Variants in DNAJC21 observed in about 807,000 individuals in gnomAD.
DNAJC21 encodes DnaJ heat shock protein family (Hsp40) member C21, also known as dnaJ homolog subfamily C member 21.
A neutral mutation model predicts 72.4 loss-of-function variants in DNAJC21; 63 were observed. The observed-to-expected ratio is 0.87, with a 90% CI of 0.71 to 1.07. The LOEUF is 1.07. Ranked by LOEUF, DNAJC21 falls within the 50% of genes least tolerant of loss-of-function variation. The pLI, the probability that DNAJC21 is intolerant of heterozygous loss-of-function variation, is 0.00. For synonymous variants in DNAJC21, 203 were observed against 216.7 expected (o/e 0.94, Z 0.56); for missense variants, 634 against 644.8 (o/e 0.98, Z 0.18).
chr5:34,951,258 C>G (rs866383077), intron 10 of DNAJC21: 13 of 985,460 alleles, frequency 1.3e-5, no homozygotes, highest in Non-Finnish European at 1.6e-5. Flanking sequence ...AAGGGAAATT[C>G]ACATGTATTT....
chr5:34,936,073 G>A, intron 3 of DNAJC21, 71 bp from the exon 4 acceptor site: 1 of 1,548,086 alleles, frequency 6.5e-7, no homozygotes, highest in Non-Finnish European at 8.7e-7. Context: ...TTTTCATTTT[G>A]TATTTTAAAA....
rs985379919 is a variant in DNAJC21 at position 34,954,141 on chromosome 5, G to A, written c.1434+140G>A. ...TGTGGATCCATCAACAGTTTTGTTTGATATAATGTATCTTTTTTTTTCATT... is the reference window on the plus strand; with the variant it reads ...TGTGGATCCATCAACAGTTTTGTTTAATATAATGTATCTTTTTTTTTCATT... On this transcript the variant is annotated intron_variant, in intron 11 of 11. Coordinates refer to ENST00000648817, the MANE Select transcript of DNAJC21 (RefSeq NM_001012339.3). The A allele has an allele frequency of 7.3e-5, 49 of 671,558 alleles. 1 individual carries two copies. In the Admixed American group the frequency reaches 1.0e-3, roughly 14 times the overall value. 41.6% of individuals were successfully genotyped at this position (671,558 alleles called of 1,614,324 possible). A position where few individuals can be genotyped will look rare whatever the true frequency, so the allele number is the denominator to read the frequency against.
intron 10 of DNAJC21, chr5:34,950,965 C>T (rs1384037700): frequency 2.3e-5 from 23 of 981,582 alleles, no homozygotes; most frequent in Non-Finnish European, 2.7e-5. Flanking sequence ...GAGGAAAGAT[C>T]TGATAGTGAG....
chr5:34,953,203 A>T (rs1387017711), intron 10 of DNAJC21, among the ~76,000 whole-genome samples: 1 of 151,962 alleles, frequency 6.6e-6, no homozygotes. Context: ...ATCATTTATG[A>T]TTACCGTTGG....
chr5:34,939,561 G>A (rs891751603), intron 6 of DNAJC21, among the ~76,000 whole-genome samples: 2 of 152,156 alleles, frequency 1.3e-5, no homozygotes, highest in African/African-American at 2.4e-5. Flanking sequence ...CACCGCGCCC[G>A]GCCAAGTGTG....
At chr5:34,941,035 G>A (rs1764969036) in intron 6 of DNAJC21, 61 bp from the exon 7 acceptor site, 2 of 1,258,770 alleles carry the variant, frequency 1.6e-6, no homozygotes, top group Admixed American at 2.1e-5. Context: ...TAATTTGTTA[G>A]CATATTTTAG....
At chr5:34,933,600 A>G (rs184898703) in intron 1 of DNAJC21, among the ~76,000 whole-genome samples, 51 of 152,266 alleles carry the variant, frequency 3.3e-4, no homozygotes, top group African/African-American at 1.2e-3. Context: ...TTAGTGATGT[A>G]CCAAGGCTTA....
rs765889955 is a variant in DNAJC21 at position 34,941,560 on chromosome 5, C to CTTTT, written c.983+397_983+400dup. 2.3e-3 allele frequency among the ~76,000 whole-genome samples: 172 copies of CTTTT among 76,084 alleles called. 1 individual carries two copies. The highest frequency in any genetic ancestry group is 2.7e-3 in the Non-Finnish European group (114 of 42,006). 49.9% of individuals were successfully genotyped at this position (76,084 alleles called of 152,430 possible). A position where few individuals can be genotyped will look rare whatever the true frequency, so the allele number is the denominator to read the frequency against. ...TTTAGTATCTCTGAACTTGTGTTTT[C>CTTTT]TTTTTTTTTTTTTTTTTTTTTTTGG... is the stretch of plus-strand genomic sequence containing the variant. On this transcript the variant is annotated intron_variant, in intron 7 of 11. Transcript: ENST00000648817.
intron 9 of DNAJC21, among the ~76,000 whole-genome samples, chr5:34,947,924 A>G (rs928799559): frequency 3.3e-5 from 5 of 152,024 alleles, no homozygotes; most frequent in South Asian, 2.1e-4. Context: ...ATTTTAAGCA[A>G]TAGTTCTGTA....
intron 7 of DNAJC21, among the ~76,000 whole-genome samples, chr5:34,943,776 C>A (rs1017973897): frequency 6.6e-6 from 1 of 152,128 alleles, no homozygotes; most frequent in Non-Finnish European, 1.5e-5. Flanking sequence ...TAAACAGGAG[C>A]CTTCCCTTTT....
At chr5:34,950,989 C>T in intron 10 of DNAJC21, 1 of 985,408 alleles carries the variant, frequency 1.0e-6, no homozygotes, top group Non-Finnish European at 1.2e-6. Context: ...CTTCAAGTTT[C>T]TGTCATTACA....
At chr5:34,943,756 C>A (rs1765078697) in intron 7 of DNAJC21, among the ~76,000 whole-genome samples, 1 of 152,188 alleles carries the variant, frequency 6.6e-6, no homozygotes, top group African/African-American at 2.4e-5. Flanking sequence ...TAGCACTTGG[C>A]CTTCTGCTGT....
intron 7 of DNAJC21, 103 bp from the exon 8 acceptor site, chr5:34,944,764 T>TG: frequency 1.3e-6 from 2 of 1,493,710 alleles, no homozygotes; most frequent in Non-Finnish European, 1.8e-6. Context: ...TTTTGCTTAG[T>TG]GGGAAAAAAG....
chr5:34,947,298 G>A (rs1765201966), intron 9 of DNAJC21, among the ~76,000 whole-genome samples: 1 of 152,168 alleles, frequency 6.6e-6, no homozygotes, highest in African/African-American at 2.4e-5. Flanking sequence ...GGATATAGTT[G>A]AAAGATAAAA....
intron 11 of DNAJC21, 142 bp downstream of exon 11, chr5:34,954,143 T>TA: frequency 3.0e-6 from 2 of 667,810 alleles, no homozygotes; most frequent in East Asian, 6.1e-5. Context: ...TTTTGTTTGA[T>TA]ATAATGTATC....
chr5:34,947,106 A>T (rs139900441), intron 9 of DNAJC21, among the ~76,000 whole-genome samples: 1 of 152,244 alleles, frequency 6.6e-6, no homozygotes, highest in African/African-American at 2.4e-5. Flanking sequence ...AGTATCTTGA[A>T]ACTTGAGATT....
Position 34,957,069 on chromosome 5 carries a change from A to G in DNAJC21, c.*2355A>G, listed in dbSNP as rs969847892. ...TGGATTAAATGGGCAATTAAGTTTT[A>G]TAGGAATTTGCTTCCTAAGTCTACT... On this transcript the variant is annotated 3_prime_UTR_variant, in exon 12 of 12. Transcript: ENST00000648817. 2 of 152,334 alleles carry G rather than the reference A, an allele frequency of 1.3e-5. No homozygotes were observed. The highest frequency in any genetic ancestry group is 3.9e-4 in the East Asian group (2 of 5,186). The allele number at this position is 152,334 out of a possible 1,614,324, so 9.4% of individuals were successfully genotyped here. A position where few individuals can be genotyped will look rare whatever the true frequency, so the allele number is the denominator to read the frequency against.
At chr5:34,931,481 G>T (rs1335998125) in intron 1 of DNAJC21, among the ~76,000 whole-genome samples, 2 of 152,150 alleles carry the variant, frequency 1.3e-5, no homozygotes, top group African/African-American at 4.8e-5. Context: ...GTGGGAAAGG[G>T]TAAATGAAGT....
At chr5:34,949,871 T>C (rs1274861665) in intron 9 of DNAJC21, among the ~76,000 whole-genome samples, 1 of 152,260 alleles carries the variant, frequency 6.6e-6, no homozygotes, top group African/African-American at 2.4e-5. Context: ...TAATTTTCTT[T>C]CTTCTACTTT....
Sources: gnomAD v4.1 joint callset for allele counts (sites outside exome capture counted in the v4.1 genomes callset) on GRCh38, gnomAD v4.1.1 for gene constraint, MANE v1.5 for transcripts, NCBI Gene and HGNC (gene_info 2026-07-23, HGNC 2026-07-21) for gene names.